Variants in RNF149 observed in about 807,000 individuals in gnomAD.
RNF149 encodes E3 ubiquitin-protein ligase RNF149.
RNF149 carries 21 observed loss-of-function variants against 39.0 expected under a neutral mutation model. The observed-to-expected ratio is 0.54, with a 90% CI of 0.38 to 0.77. RNF149 has a LOEUF of 0.77. Among genes scored for constraint, RNF149 ranks in the 30% least tolerant of loss-of-function variants. The pLI is 0.00. For missense variants in RNF149, 493 were observed against 534.9 expected, an observed-to-expected ratio of 0.92 and a Z score of 0.77; for synonymous variants, 209 against 213.6, an observed-to-expected ratio of 0.98 and a Z score of 0.19.
downstream of RNF149, chr2:101,272,824 G>A (rs1682178122): frequency 1.6e-6 from 1 of 610,714 alleles, no homozygotes; most frequent in African/African-American, 1.9e-5. Flanking sequence ...TTCATCCCCA[G>A]TATATGGGGA....
At chr2:101,271,984 T>TAAA (rs771547615), downstream of RNF149, among the ~76,000 whole-genome samples, 3 of 152,216 alleles carry the variant, frequency 2.0e-5, no homozygotes, top group Non-Finnish European at 2.9e-5. Flanking sequence ...ATGTCTCTTT[T>TAAA]AAACAGTATT....
intron 1 of RNF149, among the ~76,000 whole-genome samples, chr2:101,297,803 T>C (rs1683293873): frequency 6.6e-6 from 1 of 152,210 alleles, no homozygotes; most frequent in Non-Finnish European, 1.5e-5. Context: ...TTCCATAATG[T>C]TTTCATTACC....
At position 101,294,918 on chromosome 2, in the gene RNF149, T is replaced by G. The variant is rs760725417; in HGVS notation, c.711+13A>C. The G allele has an allele frequency of 1.3e-6, 2 of 1,597,500 alleles. No individual in the cohort carries two copies. On this transcript the variant is annotated intron_variant, in intron 2 of 6. Coordinates refer to ENST00000295317, the MANE Select transcript of RNF149 (RefSeq NM_173647.4). ...TCTTTTAAAAAGCAAAATTCAGAGT[T>G]ATCCATCATTACCTGACTTCCAATC...
downstream of RNF149, among the ~76,000 whole-genome samples, chr2:101,272,292 A>T (rs1682159783): frequency 6.6e-6 from 1 of 152,200 alleles, no homozygotes; most frequent in South Asian, 2.1e-4. Flanking sequence ...CGGCAAAGAA[A>T]AGCATGGGTT....
At chr2:101,280,552 T>A (rs1446500274) in intron 6 of RNF149, among the ~76,000 whole-genome samples, 1 of 152,076 alleles carries the variant, frequency 6.6e-6, no homozygotes, top group African/African-American at 2.4e-5. Flanking sequence ...TAAGTCAGCA[T>A]GCAATCAAAG....
At chr2:101,287,999 T>A (rs931875971) in intron 4 of RNF149, among the ~76,000 whole-genome samples, 4 of 152,128 alleles carry the variant, frequency 2.6e-5, no homozygotes, top group Non-Finnish European at 5.9e-5. Context: ...AACTAAAGTA[T>A]CCCATTACTT....
At chr2:101,294,103 T>A in intron 2 of RNF149, 21 bp from the exon 3 acceptor site, 3 of 1,324,798 alleles carry the variant, frequency 2.3e-6, no homozygotes, top group Non-Finnish European at 3.2e-6. Context: ...AAAATATTAA[T>A]ACAGTTATTG....
At chr2:101,308,011 G>A in intron 1 of RNF149, 118 bp downstream of exon 1, 8 of 1,465,442 alleles carry the variant, frequency 5.5e-6, no homozygotes, top group Non-Finnish European at 7.2e-6. Context: ...CCAACAGCCA[G>A]AGGCCTGAGA....
At chr2:101,273,463 G>C (rs1363042370), downstream of RNF149, 2 of 386,436 alleles carry the variant, frequency 5.2e-6, no homozygotes, top group African/African-American at 4.4e-5. Context: ...AAAAACTCTT[G>C]TAATATTTGT....
At chr2:101,303,185 G>A (rs774185700) in intron 1 of RNF149, among the ~76,000 whole-genome samples, 2 of 151,882 alleles carry the variant, frequency 1.3e-5, no homozygotes, top group African/African-American at 2.4e-5. Flanking sequence ...GTGCAATCTC[G>A]GCTCACTGCA....
At chr2:101,298,132 T>C (rs533658315) in intron 1 of RNF149, among the ~76,000 whole-genome samples, 1 of 152,330 alleles carries the variant, frequency 6.6e-6, no homozygotes, top group South Asian at 2.1e-4. Flanking sequence ...ATGAGGTATC[T>C]ATAAAGATTT....
At chr2:101,306,750 CCTTA>C (rs1683675506) in intron 1 of RNF149, among the ~76,000 whole-genome samples, 1 of 152,208 alleles carries the variant, frequency 6.6e-6, no homozygotes, top group East Asian at 1.9e-4. Flanking sequence ...TCCTAACAGT[CCTTA>C]CTTCTTCTCA....
chr2:101,282,043 A>T lies in RNF149; in HGVS notation c.975T>A (p.Asp325Glu), dbSNP rs760538356. The T allele has an allele frequency of 6.2e-7, 1 of 1,613,888 alleles. No homozygotes were observed. Among genetic ancestry groups the T allele is most frequent in the East Asian group, 2.2e-5 (1 of 44,864 alleles). Residue 325 changes from aspartate to glutamate, a missense_variant, in exon 6 of 7, where the codon GAT becomes GAA. Coordinates refer to ENST00000295317, the MANE Select transcript of RNF149 (RefSeq NM_173647.4). ...KALGYWGEPGDVQEMPAPESP... is the reference protein window; with the variant it reads ...KALGYWGEPGEVQEMPAPESP... ...ATTCTGGAGCAGGCATCTCCTGTACATCCCCAGGCTCTCCCTTGAGAATTA... is the reference window on the plus strand; with the variant it reads ...ATTCTGGAGCAGGCATCTCCTGTACTTCCCCAGGCTCTCCCTTGAGAATTA...
intron 6 of RNF149, among the ~76,000 whole-genome samples, chr2:101,278,828 C>T (rs1383545743): frequency 6.6e-6 from 1 of 152,172 alleles, no homozygotes; most frequent in African/African-American, 2.4e-5. Flanking sequence ...CCACACCCAA[C>T]CAAATATTTT....
Position 101,308,219 on chromosome 2 carries a change from C to T in RNF149, c.370G>A (p.Val124Met). The T allele has an allele frequency of 6.2e-7, 1 of 1,607,138 alleles. No homozygotes were observed. Among genetic ancestry groups the T allele is most frequent in the African/African-American group, 1.3e-5 (1 of 74,544 alleles). ...GCGTTCCTCCGCGCCGCCACCAGCA[C>T]CTTGTCCTTGAAGGTGCAGCCCCCA... is the stretch of plus-strand genomic sequence containing the variant. ...ARGGCTFKDK[V>M]LVAARRNASA... The change falls in exon 1 of 7, where the codon GTG becomes ATG. Residue 124 changes from valine to methionine, a missense_variant. Val to Met is a conservative substitution (Grantham distance 21, BLOSUM62 1). Coordinates refer to ENST00000295317, the MANE Select transcript of RNF149 (RefSeq NM_173647.4).
chr2:101,303,765 G>A lies in RNF149; in HGVS notation c.460+4364C>T, dbSNP rs190001485. 2.3e-3 allele frequency among the ~76,000 whole-genome samples: 349 copies of A among 151,090 alleles called. 2 individuals are homozygous for A. The highest frequency in any genetic ancestry group is 7.1e-3 in the African/African-American group (291 of 41,082). On this transcript the variant is annotated intron_variant, in intron 1 of 6. Coordinates refer to ENST00000295317, the MANE Select transcript of RNF149 (RefSeq NM_173647.4). Reference sequence around the variant, plus strand: ...TGTAACCTCCCCTGGAGAGTTCAGGGATTTCTTTTTTAATTTTATTCTTAT... The same window carrying A: ...TGTAACCTCCCCTGGAGAGTTCAGGAATTTCTTTTTTAATTTTATTCTTAT...
At chr2:101,301,089 C>T (rs1012595191) in intron 1 of RNF149, among the ~76,000 whole-genome samples, 1 of 152,076 alleles carries the variant, frequency 6.6e-6, no homozygotes, top group Non-Finnish European at 1.5e-5. Context: ...AGAGAAAAAG[C>T]CCTTAGAGGT....
intron 1 of RNF149, among the ~76,000 whole-genome samples, chr2:101,298,990 T>A (rs952278978): frequency 6.6e-6 from 1 of 152,096 alleles, no homozygotes; most frequent in Admixed American, 6.6e-5. Flanking sequence ...TCTCTACTAA[T>A]ATTACACATG....
chr2:101,275,871 G>T lies in RNF149; in HGVS notation c.*1367C>A. The T allele has an allele frequency of 1.0e-6, 1 of 985,046 alleles. No individual in the cohort carries two copies. The highest frequency in any genetic ancestry group is 1.2e-6 in the Non-Finnish European group (1 of 829,626). 61.0% of individuals were successfully genotyped at this position (985,046 alleles called of 1,614,324 possible). On this transcript the variant is annotated 3_prime_UTR_variant, in exon 7 of 7. Coordinates refer to ENST00000295317, the MANE Select transcript of RNF149 (RefSeq NM_173647.4). ...TGGCTGTTATGGAAACCTACTTGAGGTTGTCTGCTAAAACCAACTCAGTGT... is the reference window on the plus strand; with the variant it reads ...TGGCTGTTATGGAAACCTACTTGAGTTTGTCTGCTAAAACCAACTCAGTGT...
Sources: gnomAD v4.1 joint callset for allele counts (sites outside exome capture counted in the v4.1 genomes callset) on GRCh38, gnomAD v4.1.1 for gene constraint, MANE v1.5 for transcripts, NCBI Gene and HGNC (gene_info 2026-07-23, HGNC 2026-07-21) for gene names.